The following NYNRIN variants were observed in gnomAD, a reference collection of about 807,000 sequenced individuals.
The protein encoded by NYNRIN is NYN domain and retroviral integrase containing.
A neutral mutation model predicts 146.6 loss-of-function variants in NYNRIN; 86 were observed. The ratio of observed to expected loss-of-function variants is 0.59; its 90% CI spans 0.49 to 0.70. NYNRIN has a LOEUF of 0.70. NYNRIN is among the 30% of genes least tolerant of loss of function. The probability of loss-of-function intolerance (pLI) is 0.00; values close to 1 mark genes in which losing one functional copy is unlikely to be tolerated. For synonymous variants in NYNRIN, 1,027 were observed against 1,001.3 expected, an observed-to-expected ratio of 1.03 and a Z score of -0.48; for missense variants, 2,191 against 2,377.7, an observed-to-expected ratio of 0.92 and a Z score of 1.63.
chr14:24,411,412 GC>G lies in NYNRIN; in HGVS notation c.2605del (p.Glu870ArgfsTer15). On this transcript the variant is annotated frameshift_variant, in exon 6 of 9. Transcript: ENST00000382554. LOFTEE classifies it high-confidence loss of function. This position sits in a 1 kb window ranked among gnomAD's most constrained non-coding sequence, Gnocchi z 4.3. ...LKMLSITPSQ[L>X]ENGKKITTYD... ...AGATGCTTTCAATCACACCCTCCCA[GC>G]TTGAGAATGGCAAGAAGATCACCAC... is the stretch of plus-strand genomic sequence containing the variant. The G allele has an allele frequency of 6.2e-7, 1 of 1,614,016 alleles. No individual in the cohort carries two copies. Among genetic ancestry groups the G allele is most frequent in the Non-Finnish European group, 8.5e-7 (1 of 1,179,900 alleles).
In NYNRIN at chr14:24,411,485, A is replaced by G. The variant is rs770767424; in HGVS notation, c.2642+35A>G. Reference sequence around the variant, plus strand: ...TCCCCAGGCCTGCCCTCCTGGGCTCAGGGAGTTGGGCCTGGCTGGTGTGTC... The same window carrying G: ...TCCCCAGGCCTGCCCTCCTGGGCTCGGGGAGTTGGGCCTGGCTGGTGTGTC... On this transcript the variant is annotated intron_variant, in intron 6 of 8. Coordinates refer to ENST00000382554, the MANE Select transcript of NYNRIN (RefSeq NM_025081.3). This position sits in a 1 kb window ranked among gnomAD's most constrained non-coding sequence, Gnocchi z 4.3. The G allele has an allele frequency of 1.0e-5, 16 of 1,581,412 alleles. No homozygotes were observed. The highest frequency in any genetic ancestry group is 6.7e-5 in the African/African-American group (5 of 74,396).
chr14:24,414,892 CT>C lies in NYNRIN; in HGVS notation c.3144del (p.Asp1049MetfsTer66), dbSNP rs2042934189. On this transcript the variant is annotated frameshift_variant, in exon 9 of 9. Transcript: ENST00000382554. LOFTEE classifies it high-confidence loss of function. ...ILRCLSLHDPPDGALDIDLLP... is the reference protein window; with the variant it reads ...ILRCLSLHDPXDGALDIDLLP... ...CGGTGCCTCAGCCTCCATGATCCCCCTGATGGGGCCCTGGACATCGACCTCC... is the reference window on the plus strand; with the variant it reads ...CGGTGCCTCAGCCTCCATGATCCCCCGATGGGGCCCTGGACATCGACCTCC... 1.2e-6 allele frequency: 2 copies of C among 1,608,742 alleles called. No individual in the cohort carries two copies. The highest frequency in any genetic ancestry group is 1.3e-5 in the African/African-American group (1 of 74,894).
Position 24,410,162 on chromosome 14 carries a change from C to G in NYNRIN, c.2368C>G (p.Gln790Glu), listed in dbSNP as rs1189181625. 4.3e-6 allele frequency: 7 copies of G among 1,612,282 alleles called. No homozygotes were observed. In the East Asian group the frequency reaches 1.6e-4, roughly 36 times the overall value. ...ELNLSGEPGNQGLRRVVIDGS... is the reference protein window; with the variant it reads ...ELNLSGEPGNEGLRRVVIDGS... ...GAACCTGTCAGGGGAACCTGGAAAC[C>G]AGGGGTTGCGGCGAGTGGTCATCGA... The change falls in exon 4 of 9, where the codon CAG becomes GAG. Residue 790 changes from glutamine to glutamate, a missense_variant. This residue lies in a region of NYNRIN where 1,291 missense variants were observed against 1,417.0 expected (regional missense o/e 0.91). Transcript: ENST00000382554.
Position 24,414,679 on chromosome 14 carries a change from A to G in NYNRIN, c.2930A>G (p.Asp977Gly), listed in dbSNP as rs1288790624. The change falls in exon 9 of 9, where the codon GAC becomes GGC. Residue 977 changes from aspartate to glycine, a missense_variant. Coordinates refer to ENST00000382554, the MANE Select transcript of NYNRIN (RefSeq NM_025081.3). Reference protein sequence around the residue: ...SSASVTELSDDADSGPLESLP... With the variant: ...SSASVTELSDGADSGPLESLP... ...GCCAGTGTCACTGAGCTGAGTGATG[A>G]CGCTGACTCTGGGCCCCTGGAGAGT... is the stretch of plus-strand genomic sequence containing the variant. 3 of 1,613,582 alleles carry G rather than the reference A, an allele frequency of 1.9e-6. No individual in the cohort carries two copies. The highest frequency in any genetic ancestry group is 1.3e-5 in the African/African-American group (1 of 74,898).
At chr14:24,403,696 T>G (rs2042858973) in intron 2 of NYNRIN, among the ~76,000 whole-genome samples, 1 of 152,242 alleles carries the variant, frequency 6.6e-6, no homozygotes, top group African/African-American at 2.4e-5. Context: ...GAATAAATTC[T>G]GAGATTTCTC....
rs1479377888 is a variant in NYNRIN, at chr14:24,415,158, G to A, written c.3409G>A (p.Ala1137Thr). Reference sequence around the variant, plus strand: ...GCAGTGGGACCAGGAGCATGAGGAGGCCTTCCTGGCCCTGAAGCGAGCCCT... The same window carrying A: ...GCAGTGGGACCAGGAGCATGAGGAGACCTTCCTGGCCCTGAAGCGAGCCCT... Reference protein sequence around the residue: ...DWQWDQEHEEAFLALKRALVS... With the variant: ...DWQWDQEHEETFLALKRALVS... Residue 1137 changes from alanine (A) to threonine (T), a missense_variant, in exon 9 of 9, where the codon GCC becomes ACC. Ala to Thr is a moderately conservative substitution (Grantham distance 58). This residue lies in a region of NYNRIN where 1,291 missense variants were observed against 1,417.0 expected (regional missense o/e 0.91). Coordinates refer to ENST00000382554, the MANE Select transcript of NYNRIN (RefSeq NM_025081.3). 2 of 1,606,148 alleles carry A rather than the reference G, an allele frequency of 1.2e-6. No individual in the cohort carries two copies. The highest frequency in any genetic ancestry group is 2.2e-5 in the East Asian group (1 of 44,796).
chr14:24,406,959 C>T (rs887324839), intron 2 of NYNRIN, among the ~76,000 whole-genome samples: 1 of 152,210 alleles, frequency 6.6e-6, no homozygotes, highest in Non-Finnish European at 1.5e-5. Context: ...CAGAGTTCTT[C>T]CTTCTCTTTA....
At position 24,415,362 on chromosome 14, in the gene NYNRIN, G is replaced by A; in HGVS notation, c.3613G>A (p.Gly1205Arg). Residue 1205 changes from glycine (G) to arginine (R), a missense_variant, in exon 9 of 9, where the codon GGG becomes AGG. Gly to Arg is a moderately radical substitution (Grantham distance 125, BLOSUM62 -2). Transcript: ENST00000382554. ...PDEESQGPQSGGDSPYAVAWA... is the reference protein window; with the variant it reads ...PDEESQGPQSRGDSPYAVAWA... The stretch of plus-strand genomic sequence containing the variant: ...TGAGGAGAGCCAGGGCCCCCAGTCA[G>A]GGGGTGACAGCCCCTATGCTGTGGC... The A allele has an allele frequency of 6.2e-7, 1 of 1,613,954 alleles. No homozygotes were observed. Among genetic ancestry groups the A allele is most frequent in the South Asian group, 1.1e-5 (1 of 91,090 alleles).
rs1010804661 is a variant in NYNRIN, at chr14:24,399,417, G to T, written c.171G>T (p.Gly57=). 2 of 1,613,004 alleles carry T rather than the reference G, an allele frequency of 1.2e-6. No homozygotes were observed. Among genetic ancestry groups the T allele is most frequent in the Non-Finnish European group, 8.5e-7 (1 of 1,179,472 alleles). ...CCTACTTCTGGCTACAGCTCGAGGG[G>T]CCCCGAGAGAACATGGGCAAAGCCA... ...DTPYFWLQLE[G]PRENMGKAKE... Residue 57 remains glycine (G), a synonymous_variant, in exon 2 of 9, where the codon GGG becomes GGT. Coordinates refer to ENST00000382554, the MANE Select transcript of NYNRIN (RefSeq NM_025081.3).
rs752890608 is a variant in NYNRIN, at chr14:24,413,379, T to C, written c.2808T>C (p.Asp936=). 1.2e-6 allele frequency: 2 copies of C among 1,613,418 alleles called. No homozygotes were observed. The highest frequency in any genetic ancestry group is 1.3e-5 in the African/African-American group (1 of 75,042). Residue 936 remains aspartate, a synonymous_variant, in exon 8 of 9, where the codon GAT becomes GAC. Transcript: ENST00000382554. ...TGCCTGATGACCCCCTGGGCCGTGA[T>C]GGCCCCACCTTGGATGAGTTTCTGA... The part of the protein sequence containing the change: ...FMVPDDPLGR[D]GPTLDEFLKK...
In NYNRIN at chr14:24,417,995, C is replaced by T. The variant is rs933206731; in HGVS notation, c.*549C>T. The T allele has an allele frequency of 2.4e-5, 7 of 286,900 alleles. No individual in the cohort carries two copies. The highest frequency in any genetic ancestry group is 1.2e-4 in the African/African-American group (5 of 43,050). The allele number at this position is 286,900 out of a possible 1,614,324, so 17.8% of individuals were successfully genotyped here. On this transcript the variant is annotated 3_prime_UTR_variant, in exon 9 of 9. Transcript: ENST00000382554. The stretch of plus-strand genomic sequence containing the variant: ...GGGAGGCCGCTGCCTCCTAGCCTCA[C>T]GGTCAGCTTTCTCAAGCCAGGTGTG...
intron 1 of NYNRIN, 29 bp from the exon 2 acceptor site, chr14:24,399,200 CG>C: frequency 1.3e-6 from 2 of 1,581,604 alleles, no homozygotes; most frequent in Non-Finnish European, 1.7e-6. Flanking sequence ...CCCCGAGACC[CG>C]GGTGACACTA....
In NYNRIN at chr14:24,417,947, G is replaced by A. The variant is rs539997785; in HGVS notation, c.*501G>A. 17 of 224,798 alleles carry A rather than the reference G, an allele frequency of 7.6e-5. No individual in the cohort carries two copies. In the East Asian group the frequency reaches 2.6e-3, roughly 35 times the overall value. The allele number at this position is 224,798 out of a possible 1,614,324, so 13.9% of individuals were successfully genotyped here. A position where few individuals can be genotyped will look rare whatever the true frequency, so the allele number is the denominator to read the frequency against. On this transcript the variant is annotated 3_prime_UTR_variant, in exon 9 of 9. Transcript: ENST00000382554. Reference sequence around the variant, plus strand: ...CTTTGCCCTTAGAGCTGTCACAGATGACATAAGCCTGGGCAGGCTGTGGGG... The same window carrying A: ...CTTTGCCCTTAGAGCTGTCACAGATAACATAAGCCTGGGCAGGCTGTGGGG...
At chr14:24,407,049 G>A (rs1311088360) in intron 2 of NYNRIN, among the ~76,000 whole-genome samples, 1 of 152,182 alleles carries the variant, frequency 6.6e-6, no homozygotes, top group Non-Finnish European at 1.5e-5. Flanking sequence ...TTGCCTCTGG[G>A]CAACAGAGTT....
At position 24,409,952 on chromosome 14, in the gene NYNRIN, G is replaced by T; in HGVS notation, c.2158G>T (p.Ala720Ser). The T allele has an allele frequency of 6.2e-7, 1 of 1,613,802 alleles. No homozygotes were observed. The highest frequency in any genetic ancestry group is 8.5e-7 in the Non-Finnish European group (1 of 1,179,774). The change falls in exon 4 of 9, where the codon GCT (alanine) becomes TCT (serine). Residue 720 changes from alanine to serine, a missense_variant. Transcript: ENST00000382554. Reference protein sequence around the residue: ...SVSLLKGQGQAGRQGPQSSGT... With the variant: ...SVSLLKGQGQSGRQGPQSSGT... ...CTCCTTACTGAAGGGCCAGGGGCAG[G>T]CTGGAAGGCAGGGTCCCCAGTCCAG...
rs766088225 is a variant in NYNRIN, at chr14:24,409,505, C to A, written c.1711C>A (p.Pro571Thr). The change falls in exon 4 of 9, where the codon CCT (proline) becomes ACT (threonine). Residue 571 changes from proline to threonine, a missense_variant. Around this residue, in one of 3 missense-constraint regions of NYNRIN, gnomAD observed 895 missense variants for 941.2 expected, o/e 0.95. Coordinates refer to ENST00000382554, the MANE Select transcript of NYNRIN (RefSeq NM_025081.3). ...TQVPSAAPKLPTSRMMLAVHT... is the reference protein window; with the variant it reads ...TQVPSAAPKLTTSRMMLAVHT... ...AGTGCCATCTGCAGCTCCCAAACTG[C>A]CTACATCTCGAATGATGCTGGCAGT... is the stretch of plus-strand genomic sequence containing the variant. The A allele has an allele frequency of 2.5e-6, 4 of 1,613,698 alleles. No homozygotes were observed. The highest frequency in any genetic ancestry group is 3.4e-6 in the Non-Finnish European group (4 of 1,179,772).
chr14:24,415,334 T>C lies in NYNRIN; in HGVS notation c.3585T>C (p.Pro1195=), dbSNP rs757126609. 6.2e-7 allele frequency: 1 copy of C among 1,613,880 alleles called. No homozygotes were observed. Among genetic ancestry groups the C allele is most frequent in the East Asian group, 2.2e-5 (1 of 44,858 alleles). The change falls in exon 9 of 9, where the codon CCT becomes CCC. Residue 1195 remains proline, a synonymous_variant. Transcript: ENST00000382554. ...CCTATACCTCAAAACCCCTCCTCCC[T>C]GATGAGGAGAGCCAGGGCCCCCAGT... ...PIAYTSKPLL[P]DEESQGPQSG...
At chr14:24,413,130 C>A in intron 7 of NYNRIN, 32 bp downstream of exon 7, 1 of 1,506,384 alleles carries the variant, frequency 6.6e-7, no homozygotes, top group Non-Finnish European at 9.1e-7. Context: ...TGAGCCATTC[C>A]TTCCCCTTGG....
chr14:24,402,986 A>G (rs544281469), intron 2 of NYNRIN, among the ~76,000 whole-genome samples: 1 of 152,142 alleles, frequency 6.6e-6, no homozygotes, highest in East Asian at 1.9e-4. Context: ...TGTAGACACT[A>G]TTGTCTTTTA....
Sources: allele counts gnomAD v4.1 joint callset (sites outside exome capture counted in the v4.1 genomes callset), GRCh38; gene constraint gnomAD v4.1.1; regional missense constraint gnomAD v4.1.1; non-coding constraint Gnocchi (gnomAD v3.1); transcripts MANE v1.5; gene names NCBI Gene and HGNC (gene_info 2026-07-23, HGNC 2026-07-21).